Variants in NCF2 observed in about 807,000 individuals in gnomAD.
NCF2 encodes the protein neutrophil cytosol factor 2.
A neutral mutation model predicts 70.9 loss-of-function variants in NCF2; 45 were observed. That is an observed-to-expected ratio of 0.63 (90% CI 0.50 to 0.81). The LOEUF is 0.81. NCF2 is among the 40% of genes least tolerant of loss of function. NCF2 has a pLI of 0.00. For synonymous variants in NCF2, 203 were observed against 233.6 expected (o/e 0.87, Z 1.19); for missense variants, 522 against 631.6 (o/e 0.83, Z 1.86).
At chr1:183,593,255 C>T (rs1673719496), upstream of NCF2, among the ~76,000 whole-genome samples, 1 of 152,168 alleles carries the variant, frequency 6.6e-6, no homozygotes, top group African/African-American at 2.4e-5. Flanking sequence ...CTTCTCCTGT[C>T]ACCACTCAGG....
At chr1:183,564,391 G>A (rs534490747) in intron 10 of NCF2, among the ~76,000 whole-genome samples, 1 of 152,330 alleles carries the variant, frequency 6.6e-6, no homozygotes, top group East Asian at 1.9e-4. Flanking sequence ...GCCACAGGAA[G>A]AAGTATTAGA....
chr1:183,567,091 A>G (rs1672334971), intron 8 of NCF2, 103 bp from the exon 9 acceptor site: 2 of 1,606,864 alleles, frequency 1.2e-6, no homozygotes, highest in African/African-American at 2.7e-5. Flanking sequence ...GATGACGAAC[A>G]GACAAAAGAA....
intron 2 of NCF2, among the ~76,000 whole-genome samples, chr1:183,581,162 G>C (rs1673044303): frequency 6.6e-6 from 1 of 151,200 alleles, no homozygotes; most frequent in Non-Finnish European, 1.5e-5. Flanking sequence ...CGTGCCTGTA[G>C]TCCCAGCTAC....
At chr1:183,591,064 G>A (rs1673619877), upstream of NCF2, among the ~76,000 whole-genome samples, 2 of 152,180 alleles carry the variant, frequency 1.3e-5, no homozygotes. Context: ...ACCCGCACTG[G>A]GGGGACTTTC....
intron 13 of NCF2, among the ~76,000 whole-genome samples, chr1:183,561,259 G>T (rs985975236): frequency 5.3e-5 from 8 of 152,154 alleles, no homozygotes; most frequent in African/African-American, 1.9e-4. Flanking sequence ...TGTATGTACC[G>T]AGCATTATAA....
intron 14 of NCF2, among the ~76,000 whole-genome samples, chr1:183,557,474 T>C (rs184796314): frequency 2.3e-4 from 35 of 152,358 alleles, no homozygotes; most frequent in Non-Finnish European, 4.3e-4. Context: ...AGAATCCATT[T>C]AGGAAGATTC....
intron 2 of NCF2, among the ~76,000 whole-genome samples, chr1:183,580,724 C>T (rs1020532721): frequency 1.3e-5 from 2 of 152,156 alleles, no homozygotes; most frequent in African/African-American, 2.4e-5. Flanking sequence ...TGCCGGTAAT[C>T]CCAGCATTTT....
intron 13 of NCF2, 84 bp from the exon 14 acceptor site, chr1:183,560,357 A>G: frequency 2.7e-6 from 4 of 1,466,334 alleles, no homozygotes; most frequent in East Asian, 4.5e-5. Context: ...GCGAAATGTC[A>G]AAGTAGAACC....
In NCF2 at chr1:183,587,124, C is replaced by G. The variant is rs1419097356; in HGVS notation, c.175-147G>C. 4 of 781,002 alleles carry G rather than the reference C, an allele frequency of 5.1e-6. No individual in the cohort carries two copies. The East Asian group carries it at 9.8e-5, about 19-fold the overall frequency. The allele number at this position is 781,002 out of a possible 1,614,324, so 48.4% of individuals were successfully genotyped here. A position where few individuals can be genotyped will look rare whatever the true frequency, so the allele number is the denominator to read the frequency against. ...CACCTCGAGGCCCACCCTGTGCTCT[C>G]ACGGTGCACCCCACTTCGCTCTCAC... On this transcript the variant is annotated intron_variant, in intron 1 of 14. Coordinates refer to ENST00000367535, the MANE Select transcript of NCF2 (RefSeq NM_000433.4).
In NCF2 at chr1:183,560,093, T is replaced by C; in HGVS notation, c.1468+3A>G. 6.2e-7 allele frequency: 1 copy of C among 1,613,996 alleles called. No individual in the cohort carries two copies. The highest frequency in any genetic ancestry group is 8.5e-7 in the Non-Finnish European group (1 of 1,179,860). On this transcript the variant is annotated splice_donor_region_variant and intron_variant, in intron 14 of 14. Transcript: ENST00000367535. ...GTTTCTATAGTCTTGGAGTAGCACT[T>C]ACCCTTTGATAACACCAGGATTATA...
In NCF2 at chr1:183,579,738, C is replaced by CAA. The variant is rs397982209; in HGVS notation, c.258-2033_258-2032dup. ...TGGGTGACAGAGTGAGACTCTGTCT[C>CAA]AAAAAAAAAAAAAAAAAAAAAAAAA... is the stretch of plus-strand genomic sequence containing the variant. On this transcript the variant is annotated intron_variant, in intron 2 of 14. Transcript: ENST00000367535. 8.8e-3 allele frequency among the ~76,000 whole-genome samples: 341 copies of CAA among 38,796 alleles called. 36 individuals carry two copies. Among genetic ancestry groups the CAA allele is most frequent in the Middle Eastern group, 0.047 (3 of 64 alleles). 25.5% of individuals were successfully genotyped at this position (38,796 alleles called of 152,430 possible).
At chr1:183,580,024 C>G (rs988582195) in intron 2 of NCF2, among the ~76,000 whole-genome samples, 2 of 152,162 alleles carry the variant, frequency 1.3e-5, no homozygotes, top group African/African-American at 4.8e-5. Context: ...GAACTCTGAT[C>G]TCATGGAAGT....
rs34009795 is a variant in NCF2, at chr1:183,590,148, C to G, written c.174+8G>C. ...AGAGGAGGCCCGGAAAGAGGCACCT[C>G]CACTCACCTTCTCTGCTTCAGTCAT... On this transcript the variant is annotated splice_region_variant and intron_variant, in intron 1 of 14. Transcript: ENST00000367535. 1,840 of 1,614,160 alleles carry G rather than the reference C, an allele frequency of 1.1e-3. 12 individuals are homozygous for G. In the African/African-American group the frequency reaches 0.018, roughly 16 times the overall value.
the NCF2 span, among the ~76,000 whole-genome samples, chr1:183,599,441 T>TTCTTTC: frequency 1.0e-5 from 1 of 98,834 alleles, no homozygotes; most frequent in African/African-American, 3.7e-5. Flanking sequence ...TTTCTTTCTT[T>TTCTTTC]CTTTCTTTCT....
chr1:183,569,270 A>T, intron 6 of NCF2, 85 bp from the exon 7 acceptor site: 1 of 1,245,566 alleles, frequency 8.0e-7, no homozygotes, highest in Non-Finnish European at 1.2e-6. Context: ...TGGTAATTTG[A>T]GCATTCTTCC....
the NCF2 span, among the ~76,000 whole-genome samples, chr1:183,597,328 G>A: frequency 7.2e-5 from 11 of 152,166 alleles, no homozygotes; most frequent in African/African-American, 2.4e-5. Context: ...AAGCCAGTGA[G>A]TATCTAAGGG....
In NCF2 at chr1:183,559,803, G is replaced by A. The variant is rs557696768; in HGVS notation, c.1468+293C>T. On this transcript the variant is annotated intron_variant, in intron 14 of 14. Transcript: ENST00000367535. ...GAACCCAGGAGGGGGAGGTTGCAGT[G>A]AGCCGAGATTGTGCCACTGCACTCC... 5.3e-5 allele frequency among the ~76,000 whole-genome samples: 8 copies of A among 152,300 alleles called. No homozygotes were observed. In the East Asian group the frequency reaches 1.5e-3, roughly 29 times the overall value.
the NCF2 span, among the ~76,000 whole-genome samples, chr1:183,597,192 A>G: frequency 6.6e-6 from 1 of 152,206 alleles, no homozygotes; most frequent in African/African-American, 2.4e-5. Flanking sequence ...TTTCGTCTAG[A>G]GTACCCATTC....
intron 2 of NCF2, among the ~76,000 whole-genome samples, chr1:183,583,640 G>A (rs901584179): frequency 1.3e-5 from 2 of 152,170 alleles, no homozygotes; most frequent in Admixed American, 6.5e-5. Context: ...TAGAGTAGTG[G>A]AGAAGACAAA....
Sources: gnomAD v4.1 joint callset for allele counts (sites outside exome capture counted in the v4.1 genomes callset) on GRCh38, gnomAD v4.1.1 for gene constraint, MANE v1.5 for transcripts, NCBI Gene and HGNC (gene_info 2026-07-23, HGNC 2026-07-21) for gene names.